Variants in CNTNAP2 observed in about 807,000 individuals in gnomAD.
CNTNAP2 encodes contactin associated protein 2, also known as contactin-associated protein-like 2.
In CNTNAP2, 98 loss-of-function variants were observed where a neutral mutation model predicts 155.2. The observed-to-expected ratio is 0.63, with a 90% confidence interval of 0.54 to 0.75. The LOEUF is 0.75. CNTNAP2 is among the 30% of genes least tolerant of loss of function. The pLI is 0.00. For missense variants in CNTNAP2, 1,727 were observed against 1,688.1 expected (o/e 1.02, Z -0.40); for synonymous variants, 651 against 631.2 (o/e 1.03, Z -0.47).
chr7:146,530,519 A>T (rs921992862), intron 1 of CNTNAP2, among the ~76,000 whole-genome samples: 1 of 152,208 alleles, frequency 6.6e-6, no homozygotes, highest in African/African-American at 2.4e-5. Context: ...TAAGGGGCTT[A>T]AACAAGTTTA....
At chr7:146,657,679 G>A (rs1487164919) in intron 1 of CNTNAP2, among the ~76,000 whole-genome samples, 2 of 151,738 alleles carry the variant, frequency 1.3e-5, no homozygotes, top group Non-Finnish European at 2.9e-5. Context: ...TTTTCTTTGG[G>A]ATTTTGGACT....
chr7:146,843,316 C>T (rs974332111), intron 3 of CNTNAP2, among the ~76,000 whole-genome samples: 3 of 151,898 alleles, frequency 2.0e-5, no homozygotes, highest in African/African-American at 7.3e-5. Flanking sequence ...CCGGCCCTGT[C>T]CCACACTTTT....
chr7:146,202,668 T>C (rs76485376), intron 1 of CNTNAP2, among the ~76,000 whole-genome samples: 1 of 152,252 alleles, frequency 6.6e-6, no homozygotes, highest in Non-Finnish European at 1.5e-5. Flanking sequence ...TGCTACTAGA[T>C]ACACTGTTAT....
chr7:147,383,904 A>G (rs700299), intron 9 of CNTNAP2, among the ~76,000 whole-genome samples: 19,633 of 152,176 alleles, frequency 0.13, 1,517 homozygotes, highest in East Asian at 0.32. Context: ...ATATGTAACT[A>G]AATAAACCAA....
intron 17 of CNTNAP2, among the ~76,000 whole-genome samples, chr7:148,154,587 A>G (rs1343120095): frequency 6.6e-6 from 1 of 152,202 alleles, no homozygotes; most frequent in East Asian, 1.9e-4. Flanking sequence ...AATTCACCCA[A>G]ATCTATGTAT....
At chr7:147,689,508 A>G (rs995829533) in intron 13 of CNTNAP2, among the ~76,000 whole-genome samples, 1 of 152,148 alleles carries the variant, frequency 6.6e-6, no homozygotes, top group Non-Finnish European at 1.5e-5. Flanking sequence ...CATCTTTTCT[A>G]TCACGTTATT....
intron 16 of CNTNAP2, among the ~76,000 whole-genome samples, chr7:148,126,856 C>T (rs1161055397): frequency 6.6e-6 from 1 of 152,082 alleles, no homozygotes; most frequent in Admixed American, 6.6e-5. Context: ...CGCCTGGCCC[C>T]AAGATATGGG....
intron 4 of CNTNAP2, among the ~76,000 whole-genome samples, chr7:147,067,313 A>C (rs1415332960): frequency 7.0e-6 from 1 of 141,950 alleles, no homozygotes; most frequent in Non-Finnish European, 1.5e-5. Context: ...AAAAAAAAAA[A>C]GGACTAATCC....
At chr7:147,467,569 T>C (rs183832997) in intron 10 of CNTNAP2, among the ~76,000 whole-genome samples, 3 of 152,188 alleles carry the variant, frequency 2.0e-5, no homozygotes, top group African/African-American at 7.2e-5. Context: ...AGGTCACCTG[T>C]TGCGTACAAT....
chr7:147,841,858 A>C (rs1297602536), intron 13 of CNTNAP2, among the ~76,000 whole-genome samples: 1 of 152,218 alleles, frequency 6.6e-6, no homozygotes, highest in East Asian at 1.9e-4. Flanking sequence ...GAAAAATGAA[A>C]TTCCTACTAA....
At chr7:147,501,670 G>C (rs539370365) in intron 11 of CNTNAP2, among the ~76,000 whole-genome samples, 2 of 152,194 alleles carry the variant, frequency 1.3e-5, no homozygotes, top group African/African-American at 4.8e-5. Flanking sequence ...GGTAATGTAA[G>C]TGTTCTGAGC....
intron 13 of CNTNAP2, among the ~76,000 whole-genome samples, chr7:147,802,690 C>G (rs1040698835): frequency 1.2e-4 from 18 of 150,434 alleles, no homozygotes; most frequent in African/African-American, 4.4e-4. Flanking sequence ...GCAGGAGAAT[C>G]AGGCAGGGAG....
At chr7:146,505,596 A>G (rs1022520611) in intron 1 of CNTNAP2, among the ~76,000 whole-genome samples, 1 of 152,166 alleles carries the variant, frequency 6.6e-6, no homozygotes, top group African/African-American at 2.4e-5. Flanking sequence ...GAGGCCATAT[A>G]TTAAGTACCC....
At chr7:147,942,142 G>T (rs74437634) in intron 14 of CNTNAP2, among the ~76,000 whole-genome samples, 1 of 152,114 alleles carries the variant, frequency 6.6e-6, no homozygotes, top group African/African-American at 2.4e-5. Flanking sequence ...CTCACATCAG[G>T]TCTAGAAAAG....
At chr7:147,796,754 A>G (rs1797902480) in intron 13 of CNTNAP2, among the ~76,000 whole-genome samples, 1 of 152,200 alleles carries the variant, frequency 6.6e-6, no homozygotes, top group Non-Finnish European at 1.5e-5. Flanking sequence ...CAGGGGATTC[A>G]TGGGGTGACT....
chr7:146,788,701 T>C (rs1384993470), intron 2 of CNTNAP2, among the ~76,000 whole-genome samples: 2 of 152,198 alleles, frequency 1.3e-5, no homozygotes, highest in Admixed American at 6.5e-5. Context: ...ATCAGTCTTC[T>C]TAAACAGCAT....
intron 1 of CNTNAP2, among the ~76,000 whole-genome samples, chr7:146,232,229 A>G (rs1198087062): frequency 2.0e-5 from 3 of 150,884 alleles, no homozygotes; most frequent in East Asian, 1.9e-4. Flanking sequence ...AAGACAATTT[A>G]TCAATTTAGA....
At chr7:147,022,641 A>G (rs558587625) in intron 3 of CNTNAP2, among the ~76,000 whole-genome samples, 39 of 151,970 alleles carry the variant, frequency 2.6e-4, no homozygotes, top group African/African-American at 8.2e-4. Flanking sequence ...CTAAATATAA[A>G]ATAAGATCTC....
At chr7:147,246,902 G>A (rs1804081477) in intron 8 of CNTNAP2, among the ~76,000 whole-genome samples, 1 of 151,964 alleles carries the variant, frequency 6.6e-6, no homozygotes, top group Non-Finnish European at 1.5e-5. Context: ...ATGAAAGAAA[G>A]GCAAATTATT....
Sources: gnomAD v4.1 joint callset for allele counts (sites outside exome capture counted in the v4.1 genomes callset) on GRCh38, gnomAD v4.1.1 for gene constraint, MANE v1.5 for transcripts, NCBI Gene and HGNC (gene_info 2026-07-23, HGNC 2026-07-21) for gene names.